Variants in SCD5 observed in about 807,000 individuals in gnomAD.
SCD5 encodes the protein stearoyl-CoA desaturase 5, also known as acyl-CoA-desaturase 4.
In SCD5, 20 loss-of-function variants were observed where a neutral mutation model predicts 30.4. The observed-to-expected ratio is 0.66, with a 90% CI of 0.46 to 0.96. The LOEUF (loss-of-function observed/expected upper bound fraction) is 0.96, where lower values mean the gene tolerates loss of function less well. Among genes scored for constraint, SCD5 ranks in the 40% least tolerant of loss-of-function variants. SCD5 has a pLI of 0.00. For missense variants in SCD5, 381 were observed against 443.3 expected, an observed-to-expected ratio of 0.86 and a Z score of 1.26; for synonymous variants, 173 against 176.4, an observed-to-expected ratio of 0.98 and a Z score of 0.16.
chr4:82,757,379 A>G (rs973100932), intron 1 of SCD5, among the ~76,000 whole-genome samples: 3 of 152,112 alleles, frequency 2.0e-5, no homozygotes, highest in East Asian at 3.9e-4. Context: ...CACTCACCCA[A>G]ACACAATGAG....
chr4:82,706,229 A>C (rs534554417), intron 1 of SCD5, among the ~76,000 whole-genome samples: 27 of 152,340 alleles, frequency 1.8e-4, no homozygotes, highest in Non-Finnish European at 3.5e-4. Context: ...TAGTCAGGGA[A>C]CAAGTAAAAT....
intron 2 of SCD5, among the ~76,000 whole-genome samples, chr4:82,702,053 C>T (rs879405160): frequency 4.1e-5 from 6 of 147,108 alleles, no homozygotes; most frequent in Non-Finnish European, 9.0e-5. Flanking sequence ...GAGATCTTTG[C>T]TGAATACAAG....
intron 1 of SCD5, among the ~76,000 whole-genome samples, chr4:82,735,698 TAAAAAATTA>T (rs1720735863): frequency 6.6e-6 from 1 of 152,174 alleles, no homozygotes; most frequent in South Asian, 2.1e-4. Flanking sequence ...AAAGACTGGG[TAAAAAATTA>T]TCTTACTTGT....
chr4:82,790,451 GTCTC>G lies in SCD5; in HGVS notation c.232+7851_232+7854del, dbSNP rs566589720. On this transcript the variant is annotated intron_variant, in intron 1 of 4. Coordinates refer to ENST00000319540, the MANE Select transcript of SCD5 (RefSeq NM_001037582.3). ...TTGAGTTCTTGAGCTGCCCTGCCCTGTCTCTCTTTCTCAGGACCTTTGCTCAGGT... is the reference window on the plus strand; with the variant it reads ...TTGAGTTCTTGAGCTGCCCTGCCCTGTCTTTCTCAGGACCTTTGCTCAGGT... Among the ~76,000 whole-genome samples the G allele has an allele frequency of 3.4e-3, 511 of 152,254 alleles. 1 individual carries two copies. Among genetic ancestry groups the G allele is most frequent in the African/African-American group, 0.012 (486 of 41,546 alleles).
chr4:82,730,599 T>TC (rs1720616866), intron 1 of SCD5, among the ~76,000 whole-genome samples: 1 of 148,804 alleles, frequency 6.7e-6, no homozygotes, highest in Non-Finnish European at 1.5e-5. Context: ...TTTTTTTTTT[T>TC]TTTTTAGAAG....
At chr4:82,768,050 G>T (rs912279413) in intron 1 of SCD5, among the ~76,000 whole-genome samples, 1 of 152,056 alleles carries the variant, frequency 6.6e-6, no homozygotes, top group African/African-American at 2.4e-5. Flanking sequence ...CATTTATTTA[G>T]CTAACTTAAA....
chr4:82,773,823 G>A (rs1326448981), intron 1 of SCD5, among the ~76,000 whole-genome samples: 2 of 152,088 alleles, frequency 1.3e-5, no homozygotes, highest in East Asian at 3.9e-4. Context: ...TAGAGGCCGG[G>A]CGTGGTGGCT....
At chr4:82,699,096 T>C (rs1032721825) in intron 2 of SCD5, among the ~76,000 whole-genome samples, 11 of 152,104 alleles carry the variant, frequency 7.2e-5, no homozygotes, top group African/African-American at 2.7e-4. Flanking sequence ...GGTATGAGAA[T>C]CTAATGATGA....
intron 3 of SCD5, 126 bp from the exon 4 acceptor site, chr4:82,636,949 C>G: frequency 1.4e-6 from 1 of 739,284 alleles, no homozygotes; most frequent in South Asian, 1.9e-5. Flanking sequence ...TCCTTCAACG[C>G]TTTCTATATG....
intron 1 of SCD5, 82 bp from the exon 2 acceptor site, chr4:82,705,495 G>A: frequency 6.5e-7 from 1 of 1,548,728 alleles, no homozygotes; most frequent in East Asian, 2.3e-5. Flanking sequence ...TCCTGAACAG[G>A]GACACACGTG....
At chr4:82,698,876 A>G (rs1359999342) in intron 2 of SCD5, among the ~76,000 whole-genome samples, 1 of 152,146 alleles carries the variant, frequency 6.6e-6, no homozygotes. Flanking sequence ...CTCTCTCTGA[A>G]TACATTTGTT....
chr4:82,654,851 T>C (rs760240787), intron 3 of SCD5, among the ~76,000 whole-genome samples: 8 of 152,136 alleles, frequency 5.3e-5, no homozygotes, highest in South Asian at 2.1e-4. Flanking sequence ...TTGATAATAA[T>C]GACAAAAATT....
At chr4:82,665,051 T>TAAAC in intron 3 of SCD5, among the ~76,000 whole-genome samples, 2 of 80,410 alleles carry the variant, frequency 2.5e-5, no homozygotes, top group Non-Finnish European at 4.8e-5. Flanking sequence ...CACACATATA[T>TAAAC]ACACACACAC....
At chr4:82,669,584 G>A (rs1320680530) in intron 3 of SCD5, among the ~76,000 whole-genome samples, 1 of 152,202 alleles carries the variant, frequency 6.6e-6, no homozygotes, top group East Asian at 1.9e-4. Flanking sequence ...CTGGAGGCTA[G>A]GTATGGACAA....
chr4:82,747,068 T>TTCCCCCCCCC (rs772385416), intron 1 of SCD5, among the ~76,000 whole-genome samples: 1 of 81,184 alleles, frequency 1.2e-5, no homozygotes, highest in Non-Finnish European at 3.6e-5. Context: ...CTGGGCAACC[T>TTCCCCCCCCC]GCCCCCCAAG....
intron 3 of SCD5, among the ~76,000 whole-genome samples, chr4:82,678,331 A>G (rs574840196): frequency 6.6e-6 from 1 of 152,172 alleles, no homozygotes; most frequent in Non-Finnish European, 1.5e-5. Flanking sequence ...GTCTTTAGAC[A>G]TACGTGCCGC....
At chr4:82,771,472 A>G (rs1721620538) in intron 1 of SCD5, among the ~76,000 whole-genome samples, 1 of 152,262 alleles carries the variant, frequency 6.6e-6, no homozygotes, top group Non-Finnish European at 1.5e-5. Context: ...CCAACGGTGT[A>G]GGACGCTATG....
chr4:82,709,168 G>T (rs1568930), intron 1 of SCD5, among the ~76,000 whole-genome samples: 56,381 of 152,152 alleles, frequency 0.37, 10,872 homozygotes, highest in Middle Eastern at 0.5. Context: ...GAATGAATCA[G>T]GTCCTTTTAG....
rs574500347 is a variant in SCD5, at chr4:82,648,620, G to A, written c.570-11797C>T. ...ATGAGTCAGTTACTGTAAGAACTGG[G>A]TCCTTATATTTACTTATTAAATTTT... On this transcript the variant is annotated intron_variant, in intron 3 of 4. Coordinates refer to ENST00000319540, the MANE Select transcript of SCD5 (RefSeq NM_001037582.3). Among the ~76,000 whole-genome samples, 9 of 152,262 alleles carry A rather than the reference G, an allele frequency of 5.9e-5. No homozygotes were observed. In the East Asian group the frequency reaches 1.5e-3, roughly 26 times the overall value.
Sources: allele counts gnomAD v4.1 joint callset (sites outside exome capture counted in the v4.1 genomes callset), GRCh38; gene constraint gnomAD v4.1.1; transcripts MANE v1.5; gene names NCBI Gene and HGNC (gene_info 2026-07-23, HGNC 2026-07-21).